Variants in SH3BGRL observed in about 807,000 individuals in gnomAD.
SH3BGRL encodes adapter SH3BGRL.
In SH3BGRL, 7 loss-of-function variants were observed where a neutral mutation model predicts 9.8. The observed-to-expected ratio is 0.72, with a 90% CI of 0.41 to 1.35. SH3BGRL has a LOEUF of 1.35. SH3BGRL is among the 40% of genes most tolerant of loss of function. The pLI, the probability that SH3BGRL is intolerant of heterozygous loss-of-function variation, is 0.01. For missense variants in SH3BGRL, 73 were observed against 84.4 expected, an observed-to-expected ratio of 0.86 and a Z score of 0.53; for synonymous variants, 36 against 29.1, an observed-to-expected ratio of 1.24 and a Z score of -0.76.
intron 1 of SH3BGRL, among the ~76,000 whole-genome samples, chrX:81,225,841 C>A (rs1242301274): frequency 9.0e-6 from 1 of 111,702 alleles, no homozygotes; most frequent in Non-Finnish European, 1.9e-5. Flanking sequence ...AAGAATGATA[C>A]CTTGACCTAA....
At chrX:81,263,310 T>A (rs1242595477) in intron 1 of SH3BGRL, among the ~76,000 whole-genome samples, 1 of 111,348 alleles carries the variant, frequency 9.0e-6, no homozygotes, top group Non-Finnish European at 1.9e-5. Context: ...AGTTAAACAG[T>A]CAGAGAGGGT....
intron 3 of SH3BGRL, among the ~76,000 whole-genome samples, chrX:81,289,188 T>G (rs905967343): frequency 3.6e-5 from 4 of 112,239 alleles, no homozygotes; most frequent in Non-Finnish European, 7.5e-5. Flanking sequence ...AGAGAGTCAC[T>G]TCAATAGATG....
chrX:81,243,304 G>A (rs1025398214), intron 1 of SH3BGRL, among the ~76,000 whole-genome samples: 1 of 112,099 alleles, frequency 8.9e-6, no homozygotes, highest in African/African-American at 3.2e-5. Context: ...AATGCCATGT[G>A]TTCTCATTTA....
chrX:81,245,784 T>C (rs2075686602), intron 1 of SH3BGRL, among the ~76,000 whole-genome samples: 1 of 112,103 alleles, frequency 8.9e-6, no homozygotes, highest in African/African-American at 3.2e-5. Flanking sequence ...AGTACTGTGA[T>C]GACTATGCAA....
chrX:81,257,824 G>A lies in SH3BGRL; in HGVS notation c.46-19160G>A, dbSNP rs2075729987. Among the ~76,000 whole-genome samples, 3 of 110,369 alleles carry A rather than the reference G, an allele frequency of 2.7e-5. No homozygotes were observed. In the Admixed American group the frequency reaches 2.9e-4, roughly 11 times the overall value. On this transcript the variant is annotated intron_variant, in intron 1 of 3. Coordinates refer to ENST00000373212, the MANE Select transcript of SH3BGRL (RefSeq NM_003022.3). Reference sequence around the variant, plus strand: ...ACATGGTGGGGCCACATTAGAGTGGGTCACAGGTTCCACAATCTGTAATTG... The same window carrying A: ...ACATGGTGGGGCCACATTAGAGTGGATCACAGGTTCCACAATCTGTAATTG...
At chrX:81,294,178 A>T (rs757211306) in intron 3 of SH3BGRL, among the ~76,000 whole-genome samples, 5 of 111,917 alleles carry the variant, frequency 4.5e-5, no homozygotes, top group African/African-American at 1.6e-4. Flanking sequence ...AGAAATTTGC[A>T]TAAGTAATGA....
intron 3 of SH3BGRL, among the ~76,000 whole-genome samples, chrX:81,283,359 C>G (rs1299502702): frequency 5.4e-5 from 6 of 111,096 alleles, no homozygotes; most frequent in African/African-American, 2.0e-4. Flanking sequence ...GGAAAGGACA[C>G]AACCAAAAAA....
intron 1 of SH3BGRL, among the ~76,000 whole-genome samples, chrX:81,226,751 T>A (rs980625289): frequency 2.8e-5 from 3 of 107,460 alleles, no homozygotes; most frequent in Non-Finnish European, 5.8e-5. Flanking sequence ...GAGGTTGGAG[T>A]GATGTGAGGA....
chrX:81,267,849 C>T (rs190922080), intron 1 of SH3BGRL, among the ~76,000 whole-genome samples: 42 of 111,593 alleles, frequency 3.8e-4, no homozygotes, highest in African/African-American at 1.3e-3. Context: ...TGGTCCTGGA[C>T]TTTTTTTGGG....
chrX:81,230,691 A>G (rs2075630291), intron 1 of SH3BGRL, among the ~76,000 whole-genome samples: 1 of 111,736 alleles, frequency 8.9e-6, no homozygotes. Context: ...CCAGTGGTAA[A>G]CTTTATAAAC....
In SH3BGRL at chrX:81,249,893, G is replaced by A. The variant is rs760766976; in HGVS notation, c.46-27091G>A. ...GAATTTTGGGGGGAGTAATTAAACT[G>A]TTCTGTATGGTAGTTACATGATGCT... On this transcript the variant is annotated intron_variant, in intron 1 of 3. Coordinates refer to ENST00000373212, the MANE Select transcript of SH3BGRL (RefSeq NM_003022.3). 2.2e-4 allele frequency among the ~76,000 whole-genome samples: 25 copies of A among 111,157 alleles called. No individual in the cohort carries two copies. In the East Asian group the frequency reaches 6.8e-3, roughly 30 times the overall value.
intron 1 of SH3BGRL, among the ~76,000 whole-genome samples, chrX:81,247,750 A>T (rs2075693905): frequency 9.0e-6 from 1 of 110,506 alleles, no homozygotes; most frequent in Non-Finnish European, 1.9e-5. Flanking sequence ...TTTATCAGGG[A>T]TATTGTCCTG....
chrX:81,297,363 A>G lies in SH3BGRL; in HGVS notation c.*136A>G. 2.1e-6 allele frequency: 1 copy of G among 478,755 alleles called. No homozygotes were observed. The highest frequency in any genetic ancestry group is 3.5e-6 in the Non-Finnish European group (1 of 284,951). 39.5% of individuals were successfully genotyped at this position (478,755 alleles called of 1,213,427 possible). A position where few individuals can be genotyped will look rare whatever the true frequency, so the allele number is the denominator to read the frequency against. On this transcript the variant is annotated 3_prime_UTR_variant, in exon 4 of 4. Coordinates refer to ENST00000373212, the MANE Select transcript of SH3BGRL (RefSeq NM_003022.3). ...ATTAGTTGGGTTTTCACATGCAAAC[A>G]TTCAAAATGAATACAAAATTAAAAT...
chrX:81,293,638 G>A (rs776733330), intron 3 of SH3BGRL, among the ~76,000 whole-genome samples: 2 of 112,214 alleles, frequency 1.8e-5, no homozygotes, highest in Admixed American at 9.4e-5. Context: ...AGCTGAGATT[G>A]CACCACGGCA....
chrX:81,216,529 C>T (rs747795704), intron 1 of SH3BGRL, among the ~76,000 whole-genome samples: 1 of 110,886 alleles, frequency 9.0e-6, no homozygotes, highest in African/African-American at 3.3e-5. Flanking sequence ...AAATAGTAGA[C>T]CTTATTCATT....
intron 3 of SH3BGRL, among the ~76,000 whole-genome samples, chrX:81,287,521 A>C (rs747179988): frequency 8.9e-6 from 1 of 112,024 alleles, no homozygotes; most frequent in South Asian, 3.7e-4. Context: ...CAATGGCTTC[A>C]CTGCTGAATT....
chrX:81,297,117 T>C, intron 3 of SH3BGRL, 78 bp from the exon 4 acceptor site: 1 of 855,777 alleles, frequency 1.2e-6, no homozygotes, highest in Non-Finnish European at 1.7e-6. Context: ...TTGGAACTAA[T>C]GTAGTCTGAC....
chrX:81,252,464 G>T (rs2075713767), intron 1 of SH3BGRL, among the ~76,000 whole-genome samples: 1 of 111,844 alleles, frequency 8.9e-6, no homozygotes, highest in South Asian at 3.7e-4. Context: ...TGGAGAAAAT[G>T]TATCTTACTG....
intron 3 of SH3BGRL, among the ~76,000 whole-genome samples, chrX:81,295,520 T>C (rs2075871601): frequency 9.0e-6 from 1 of 111,434 alleles, no homozygotes; most frequent in African/African-American, 3.3e-5. Context: ...TAAACCTCTT[T>C]TTCTCCCTCG....
Sources: allele counts gnomAD v4.1 joint callset (sites outside exome capture counted in the v4.1 genomes callset), GRCh38; gene constraint gnomAD v4.1.1; transcripts MANE v1.5; gene names NCBI Gene and HGNC (gene_info 2026-07-23, HGNC 2026-07-21).